The following SEMA5A variants were observed in gnomAD, a reference collection of about 807,000 sequenced individuals.
SEMA5A encodes semaphorin 5A.
Under a neutral mutation model 135.5 loss-of-function variants are expected in SEMA5A, and 55 were observed. The ratio of observed to expected loss-of-function variants is 0.41; its 90% confidence interval spans 0.33 to 0.51. SEMA5A has a LOEUF of 0.51. SEMA5A is among the 20% of genes least tolerant of loss of function. The pLI is 0.37. For missense variants in SEMA5A, 1,290 were observed against 1,419.9 expected (o/e 0.91, Z 1.47); for synonymous variants, 580 against 546.5 (o/e 1.06, Z -0.85).
chr5:9,196,166 C>T (rs1403323113), intron 10 of SEMA5A, among the ~76,000 whole-genome samples: 1 of 152,176 alleles, frequency 6.6e-6, no homozygotes, highest in Non-Finnish European at 1.5e-5. Flanking sequence ...GTCAGAAGGC[C>T]CTCCAGGGAA....
rs1579504018 is a variant in SEMA5A at position 9,415,001 on chromosome 5, G to T, written c.-78+22755C>A. 2.0e-5 allele frequency among the ~76,000 whole-genome samples: 3 copies of T among 152,114 alleles called. No individual in the cohort carries two copies. The South Asian group carries it at 6.2e-4, about 32-fold the overall frequency. Reference sequence around the variant, plus strand: ...AAATATTATGTCATTTCATAGATGGGTCTCAATTATTTTGTGATTCATTGC... The same window carrying T: ...AAATATTATGTCATTTCATAGATGGTTCTCAATTATTTTGTGATTCATTGC... On this transcript the variant is annotated intron_variant, in intron 2 of 22. Transcript: ENST00000382496.
intron 18 of SEMA5A, among the ~76,000 whole-genome samples, chr5:9,058,239 T>G (rs1348057991): frequency 6.6e-6 from 1 of 152,206 alleles, no homozygotes; most frequent in Non-Finnish European, 1.5e-5. Flanking sequence ...CCCTGGGGGT[T>G]GTTCCAGAAA....
intron 3 of SEMA5A, among the ~76,000 whole-genome samples, chr5:9,349,934 A>T (rs189417327): frequency 1.4e-4 from 21 of 152,206 alleles, no homozygotes; most frequent in African/African-American, 4.1e-4. Flanking sequence ...AACAAAAAAA[A>T]AACATGCTAT....
At chr5:9,325,599 T>C (rs763593515) in intron 4 of SEMA5A, among the ~76,000 whole-genome samples, 70 of 151,624 alleles carry the variant, frequency 4.6e-4, no homozygotes, top group Middle Eastern at 6.8e-3. Context: ...GGGACCTTAA[T>C]AGATGAAGTT....
chr5:9,330,713 T>C (rs1753093983), intron 4 of SEMA5A, among the ~76,000 whole-genome samples: 1 of 151,934 alleles, frequency 6.6e-6, no homozygotes, highest in Admixed American at 6.6e-5. Context: ...AATAAGCGAA[T>C]TAGAAGAAAG....
rs779457149 is a variant in SEMA5A, at chr5:9,197,129, G to A, written c.1068+39C>T. 4.3e-6 allele frequency: 7 copies of A among 1,612,976 alleles called. No homozygotes were observed. In the South Asian group the frequency reaches 6.6e-5, roughly 15 times the overall value. On this transcript the variant is annotated intron_variant, in intron 10 of 22. Transcript: ENST00000382496. ...ACACAAGGCTTCTGCATTCTTCATG[G>A]GGGATGCCAACAGTGCCCCTTTGCC... is the stretch of plus-strand genomic sequence containing the variant.
At chr5:9,351,490 TAAG>T (rs534432061) in intron 3 of SEMA5A, among the ~76,000 whole-genome samples, 90 of 151,864 alleles carry the variant, frequency 5.9e-4, no homozygotes, top group South Asian at 1.9e-3. Context: ...AAAATTAACA[TAAG>T]AAGTTTATTG....
Position 9,043,036 on chromosome 5 carries a change from A to AC in SEMA5A, c.3106-21_3106-20insG, listed in dbSNP as rs773339686. 22 of 1,591,744 alleles carry AC rather than the reference A, an allele frequency of 1.4e-5. No homozygotes were observed. Among genetic ancestry groups the AC allele is most frequent in the Non-Finnish European group, 1.7e-5 (20 of 1,165,830 alleles). On this transcript the variant is annotated intron_variant, in intron 22 of 22. Coordinates refer to ENST00000382496, the MANE Select transcript of SEMA5A (RefSeq NM_003966.3). ...AAATGCCTGGAAAATATATTAAAAA[A>AC]AAACAGGTTTAAGAATGCTGAGTAG...
At chr5:9,437,653 A>C (rs1758080546) in intron 2 of SEMA5A, 103 bp downstream of exon 2, 1 of 152,144 alleles carries the variant, frequency 6.6e-6, no homozygotes, top group Non-Finnish European at 1.5e-5. Context: ...AGCCCAGCCT[A>C]CTCTTATTTT....
At chr5:9,267,830 CTT>C (rs143703593) in intron 5 of SEMA5A, among the ~76,000 whole-genome samples, 12 of 152,186 alleles carry the variant, frequency 7.9e-5, no homozygotes, top group Non-Finnish European at 1.6e-4. Flanking sequence ...ACGTGGATAA[CTT>C]TTTAAATTGG....
At position 9,528,442 on chromosome 5, in the gene SEMA5A, A is replaced by T. The variant is rs78956055; in HGVS notation, c.-175+17142T>A. ...GCCTCAGCACAGTCTCCCCACCCAC[A>T]AATTCTTCTGCAGTGTGCTTTGCCA... On this transcript the variant is annotated intron_variant, in intron 1 of 22. Coordinates refer to ENST00000382496, the MANE Select transcript of SEMA5A (RefSeq NM_003966.3). Among the ~76,000 whole-genome samples the T allele has an allele frequency of 2.9e-3, 444 of 152,324 alleles. 14 individuals carry two copies. In the East Asian group the frequency reaches 0.064, roughly 22 times the overall value.
At chr5:9,048,780 T>C (rs1026145426) in intron 21 of SEMA5A, among the ~76,000 whole-genome samples, 1 of 152,206 alleles carries the variant, frequency 6.6e-6, no homozygotes, top group African/African-American at 2.4e-5. Flanking sequence ...TGTAAAACAG[T>C]GTATAGCACA....
intron 2 of SEMA5A, among the ~76,000 whole-genome samples, chr5:9,425,963 T>C (rs546652209): frequency 6.6e-6 from 1 of 152,278 alleles, no homozygotes; most frequent in African/African-American, 2.4e-5. Flanking sequence ...TCACTCACCT[T>C]TAAATGGGGA....
intron 1 of SEMA5A, among the ~76,000 whole-genome samples, chr5:9,540,054 T>G (rs572893292): frequency 6.6e-6 from 1 of 152,328 alleles, no homozygotes; most frequent in South Asian, 2.1e-4. Flanking sequence ...TGCTTAAGCC[T>G]TAGTCCTTTC....
At chr5:9,342,495 T>A (rs1561166010) in intron 3 of SEMA5A, among the ~76,000 whole-genome samples, 1 of 152,112 alleles carries the variant, frequency 6.6e-6, no homozygotes, top group Non-Finnish European at 1.5e-5. Flanking sequence ...GAAACCCACA[T>A]TGGAAACTAA....
intron 16 of SEMA5A, among the ~76,000 whole-genome samples, chr5:9,068,607 G>A (rs906555549): frequency 2.6e-5 from 4 of 152,170 alleles, no homozygotes; most frequent in African/African-American, 9.7e-5. Context: ...GGACAGAGCA[G>A]GTCTAGTCCC....
At chr5:9,280,577 A>T (rs1354133045) in intron 5 of SEMA5A, among the ~76,000 whole-genome samples, 1 of 152,234 alleles carries the variant, frequency 6.6e-6, no homozygotes, top group Non-Finnish European at 1.5e-5. Context: ...ATCAAGGATG[A>T]CAATCTAAAA....
chr5:9,277,474 C>A (rs777031569), intron 5 of SEMA5A, among the ~76,000 whole-genome samples: 2 of 152,094 alleles, frequency 1.3e-5, no homozygotes. Context: ...GGTATATAGC[C>A]AAAGGATTAT....
chr5:9,332,041 C>T (rs1753158523), intron 4 of SEMA5A, among the ~76,000 whole-genome samples: 1 of 152,204 alleles, frequency 6.6e-6, no homozygotes, highest in Non-Finnish European at 1.5e-5. Context: ...CTGATACTCA[C>T]ATTGGGTCAG....
Sources: gnomAD v4.1 joint callset for allele counts (sites outside exome capture counted in the v4.1 genomes callset) on GRCh38, gnomAD v4.1.1 for gene constraint, MANE v1.5 for transcripts, NCBI Gene and HGNC (gene_info 2026-07-23, HGNC 2026-07-21) for gene names.